Variants in ADGRB3 observed in about 807,000 individuals in gnomAD.
ADGRB3 encodes adhesion G protein-coupled receptor B3.
A neutral mutation model predicts 193.4 loss-of-function variants in ADGRB3; 37 were observed. The ratio of observed to expected loss-of-function variants is 0.19; its 90% confidence interval spans 0.15 to 0.25. The LOEUF (loss-of-function observed/expected upper bound fraction) is 0.25. Ranked by LOEUF, ADGRB3 falls within the 10% of genes least tolerant of loss-of-function variation. ADGRB3 has a pLI of 1.00. For missense variants in ADGRB3, 1,637 were observed against 1,852.9 expected (o/e 0.88, Z 2.14); for synonymous variants, 690 against 644.2 (o/e 1.07, Z -1.08).
intron 3 of ADGRB3, among the ~76,000 whole-genome samples, chr6:68,812,128 A>T (rs1465547273): frequency 1.3e-5 from 2 of 152,196 alleles, no homozygotes; most frequent in Non-Finnish European, 2.9e-5. Context: ...ATGTGTTCTT[A>T]GGAGACACTG....
At chr6:68,675,410 G>C (rs1769065426) in intron 3 of ADGRB3, among the ~76,000 whole-genome samples, 1 of 151,678 alleles carries the variant, frequency 6.6e-6, no homozygotes, top group Non-Finnish European at 1.5e-5. Flanking sequence ...CCAAAGCAAG[G>C]AGAAAAAAGG....
At chr6:68,881,057 C>T (rs902987960) in intron 3 of ADGRB3, among the ~76,000 whole-genome samples, 2 of 151,838 alleles carry the variant, frequency 1.3e-5, no homozygotes, top group African/African-American at 4.8e-5. Context: ...CCCTCTTTGC[C>T]AGGTAAGTAC....
chr6:69,129,714 A>G (rs1373931564), intron 17 of ADGRB3, among the ~76,000 whole-genome samples: 2 of 152,174 alleles, frequency 1.3e-5, no homozygotes, highest in Non-Finnish European at 2.9e-5. Context: ...GTGAATCAAC[A>G]TCAGACACTA....
intron 3 of ADGRB3, among the ~76,000 whole-genome samples, chr6:68,909,041 T>C (rs1766626489): frequency 6.6e-6 from 1 of 152,184 alleles, no homozygotes; most frequent in South Asian, 2.1e-4. Flanking sequence ...GGTGCCCTTT[T>C]TTCCTTGGAA....
At chr6:69,006,956 TTTAA>T in intron 11 of ADGRB3, among the ~76,000 whole-genome samples, 1 of 152,246 alleles carries the variant, frequency 6.6e-6, no homozygotes, top group Middle Eastern at 3.4e-3. Context: ...AAGCCTCCAG[TTTAA>T]TTATTCACAA....
chr6:68,966,710 A>C (rs1189012364), intron 8 of ADGRB3, among the ~76,000 whole-genome samples: 1 of 152,148 alleles, frequency 6.6e-6, no homozygotes, highest in Non-Finnish European at 1.5e-5. Context: ...TAATTCCTCA[A>C]ATTATCATCT....
chr6:68,926,490 T>A (rs1413440625), intron 3 of ADGRB3, among the ~76,000 whole-genome samples: 1 of 152,108 alleles, frequency 6.6e-6, no homozygotes, highest in African/African-American at 2.4e-5. Context: ...GCAGTGGTTT[T>A]ACGAATCCCA....
rs144925455 is a variant in ADGRB3 at position 69,002,757 on chromosome 6, G to T, written c.1929+8795G>T. ...ATAATGATAGGCCTCATCTGTAGAG[G>T]TAGTATAATTTTGTTGACTAAATAA... On this transcript the variant is annotated intron_variant, in intron 11 of 31. Coordinates refer to ENST00000370598, the MANE Select transcript of ADGRB3 (RefSeq NM_001704.3). Among the ~76,000 whole-genome samples, 1,320 of 152,242 alleles carry T rather than the reference G, an allele frequency of 8.7e-3. 18 individuals are homozygous for T. Among genetic ancestry groups the T allele is most frequent in the African/African-American group, 0.03 (1,260 of 41,532 alleles).
chr6:69,187,902 A>G (rs889149512), intron 17 of ADGRB3, among the ~76,000 whole-genome samples: 1 of 152,184 alleles, frequency 6.6e-6, no homozygotes. Context: ...ATCAGCAAAG[A>G]TGGAGAACCT....
At chr6:69,133,759 G>A (rs773543332) in intron 17 of ADGRB3, among the ~76,000 whole-genome samples, 4 of 151,800 alleles carry the variant, frequency 2.6e-5, no homozygotes, top group Non-Finnish European at 5.9e-5. Context: ...CATTCATAGT[G>A]ATTTCTGAGA....
intron 3 of ADGRB3, among the ~76,000 whole-genome samples, chr6:68,821,239 C>T (rs1207021741): frequency 6.6e-6 from 1 of 151,920 alleles, no homozygotes; most frequent in Non-Finnish European, 1.5e-5. Flanking sequence ...TATATTATTG[C>T]TTTTCATATT....
chr6:68,639,760 C>T (rs1405613388), intron 3 of ADGRB3, among the ~76,000 whole-genome samples: 1 of 152,044 alleles, frequency 6.6e-6, no homozygotes, highest in Non-Finnish European at 1.5e-5. Context: ...TGCAGCCCCT[C>T]ATGGTGACAC....
At chr6:68,801,364 T>C (rs1767307155) in intron 3 of ADGRB3, among the ~76,000 whole-genome samples, 1 of 152,166 alleles carries the variant, frequency 6.6e-6, no homozygotes, top group African/African-American at 2.4e-5. Flanking sequence ...TCCTGTCCTT[T>C]CCATTTTTTA....
chr6:69,251,949 A>G (rs996202411), intron 20 of ADGRB3, among the ~76,000 whole-genome samples: 3 of 152,168 alleles, frequency 2.0e-5, no homozygotes, highest in African/African-American at 7.2e-5. Context: ...AATGCACACT[A>G]CATACATAAT....
At chr6:68,725,571 A>G (rs1271721122) in intron 3 of ADGRB3, among the ~76,000 whole-genome samples, 1 of 151,710 alleles carries the variant, frequency 6.6e-6, no homozygotes, top group Non-Finnish European at 1.5e-5. Context: ...CTTGAGAATG[A>G]TGCCATGGTT....
At chr6:69,220,446 C>G (rs912980988) in intron 17 of ADGRB3, among the ~76,000 whole-genome samples, 1 of 151,902 alleles carries the variant, frequency 6.6e-6, no homozygotes, top group Non-Finnish European at 1.5e-5. Context: ...CTGTGCATAC[C>G]AAAAAAGAAA....
intron 19 of ADGRB3, among the ~76,000 whole-genome samples, chr6:69,237,589 C>T (rs1766295611): frequency 6.6e-6 from 1 of 151,928 alleles, no homozygotes; most frequent in Non-Finnish European, 1.5e-5. Flanking sequence ...CAATAGGGCT[C>T]AGTTTTGATA....
chr6:68,816,954 A>G (rs1767642039), intron 3 of ADGRB3, among the ~76,000 whole-genome samples: 1 of 151,996 alleles, frequency 6.6e-6, no homozygotes. Flanking sequence ...ATGTAGAGAA[A>G]ATGTCCTGTC....
intron 17 of ADGRB3, among the ~76,000 whole-genome samples, chr6:69,199,893 A>G (rs1765384871): frequency 6.6e-6 from 1 of 152,140 alleles, no homozygotes; most frequent in Non-Finnish European, 1.5e-5. Flanking sequence ...GTACATAAAT[A>G]TCCCTTAAAA....
Sources: gnomAD v4.1 joint callset for allele counts (sites outside exome capture counted in the v4.1 genomes callset) on GRCh38, gnomAD v4.1.1 for gene constraint, MANE v1.5 for transcripts, NCBI Gene and HGNC (gene_info 2026-07-23, HGNC 2026-07-21) for gene names.